The following CLSPN variants were observed in gnomAD, a reference collection of about 807,000 sequenced individuals.
CLSPN encodes the protein claspin homolog.
In CLSPN, 85 loss-of-function variants were observed where a neutral mutation model predicts 156.3. The observed-to-expected ratio is 0.54, with a 90% CI of 0.46 to 0.65. The LOEUF is 0.65. Among genes scored for constraint, CLSPN ranks in the 30% least tolerant of loss-of-function variants. CLSPN has a pLI of 0.00. For missense variants in CLSPN, 1,407 were observed against 1,554.9 expected, an observed-to-expected ratio of 0.90 and a Z score of 1.60; for synonymous variants, 534 against 542.4, an observed-to-expected ratio of 0.98 and a Z score of 0.22.
rs1219061789 is a variant in CLSPN at position 35,739,352 on chromosome 1, T to C, written c.3308+13A>G. 14 of 1,613,852 alleles carry C rather than the reference T, an allele frequency of 8.7e-6. No homozygotes were observed. In the Admixed American group the frequency reaches 1.2e-4, roughly 13 times the overall value. On this transcript the variant is annotated intron_variant, in intron 19 of 24. Transcript: ENST00000318121. Reference sequence around the variant, plus strand: ...GTACCCTATTACTCAGAAGGGCTTATTGGGATACTGACATGTGTATTTTCT... The same window carrying C: ...GTACCCTATTACTCAGAAGGGCTTACTGGGATACTGACATGTGTATTTTCT...
Position 35,736,484 on chromosome 1 carries a change from C to T in CLSPN, c.*12G>A, listed in dbSNP as rs1288807994. On this transcript the variant is annotated 3_prime_UTR_variant, in exon 25 of 25. Transcript: ENST00000318121. ...AGCAGTCTCAATGTAGATTTTGGCA[C>T]CTTTGATGGTGTTAGCTCTCCAAAT... is the stretch of plus-strand genomic sequence containing the variant. 1 of 1,576,924 alleles carries T rather than the reference C, an allele frequency of 6.3e-7. No individual in the cohort carries two copies. The highest frequency in any genetic ancestry group is 8.6e-7 in the Non-Finnish European group (1 of 1,164,356).
intron 15 of CLSPN, 105 bp from the exon 16 acceptor site, chr1:35,745,667 T>C (rs566080996): frequency 1.3e-6 from 1 of 771,612 alleles, no homozygotes; most frequent in South Asian, 1.6e-5. Context: ...TAAGGTAAGC[T>C]TGCCAAGAAG....
intron 8 of CLSPN, among the ~76,000 whole-genome samples, chr1:35,757,114 C>T (rs965757910): frequency 8.5e-5 from 13 of 152,190 alleles, no homozygotes; most frequent in African/African-American, 3.1e-4. Context: ...GGTATCTCTA[C>T]TGAGCTCATT....
At chr1:35,743,634 T>G in intron 16 of CLSPN, 104 bp from the exon 17 acceptor site, 1 of 841,456 alleles carries the variant, frequency 1.2e-6, no homozygotes, top group Non-Finnish European at 1.9e-6. Context: ...TTAATTTTTT[T>G]TTTTTCTCTG....
rs1642590897 is a variant in CLSPN, at chr1:35,764,297, C to G, written c.551G>C (p.Arg184Thr). Residue 184 changes from arginine (R) to threonine (T), a missense_variant, in exon 3 of 25, where the codon AGA becomes ACA. Coordinates refer to ENST00000318121, the MANE Select transcript of CLSPN (RefSeq NM_022111.4). ...TTTTGTTTCCTTCTTTTTTAGCTGT[C>G]TAATTTTTTCCATTTTTCTCTCCTC... ...EKEERKMEKI[R>T]QLKKKETKNQ... 3 of 1,579,314 alleles carry G rather than the reference C, an allele frequency of 1.9e-6. No homozygotes were observed. Among genetic ancestry groups the G allele is most frequent in the Non-Finnish European group, 2.6e-6 (3 of 1,170,172 alleles).
At chr1:35,765,982 C>CTG (rs1277028599) in intron 1 of CLSPN, among the ~76,000 whole-genome samples, 2 of 8,742 alleles carry the variant, frequency 2.3e-4, no homozygotes, top group Admixed American at 2.4e-3. Flanking sequence ...TGGTTTCTTT[C>CTG]TCTCTCTCTC....
In CLSPN at chr1:35,751,280, T is replaced by C. The variant is rs1642075010; in HGVS notation, c.1998A>G (p.Glu666=). ...EEELEEEEEK[E]EEEEEEGNQE... ...GATTTCCTTCTTCTTCCTCCTCCTC[T>C]TCTTTCTCCTCCTCTTCCTCTAGTT... Residue 666 remains glutamate, a synonymous_variant, in exon 10 of 25, where the codon GAA becomes GAG. Coordinates refer to ENST00000318121, the MANE Select transcript of CLSPN (RefSeq NM_022111.4). 6.3e-7 allele frequency: 1 copy of C among 1,594,668 alleles called. No individual in the cohort carries two copies.
At chr1:35,766,742 C>T (rs1262034816) in intron 1 of CLSPN, among the ~76,000 whole-genome samples, 1 of 151,892 alleles carries the variant, frequency 6.6e-6, no homozygotes, top group East Asian at 1.9e-4. Context: ...CCACGCCCGG[C>T]TATATGTATA....
At chr1:35,760,175 C>T (rs1395608559) in intron 8 of CLSPN, among the ~76,000 whole-genome samples, 167 bp downstream of exon 8, 1 of 152,156 alleles carries the variant, frequency 6.6e-6, no homozygotes, top group East Asian at 1.9e-4. Flanking sequence ...TTCTGATACC[C>T]TGCCAAATTT....
At position 35,735,334 on chromosome 1, in the gene CLSPN, G is replaced by A. The variant is rs911939609; in HGVS notation, c.*1162C>T. 41 of 985,274 alleles carry A rather than the reference G, an allele frequency of 4.2e-5. No individual in the cohort carries two copies. The highest frequency in any genetic ancestry group is 4.5e-5 in the Non-Finnish European group (37 of 829,932). The allele number at this position is 985,274 out of a possible 1,614,324, so 61.0% of individuals were successfully genotyped here. Reference sequence around the variant, plus strand: ...TAATTCAAAATTTGATGCTGCCTTGGGAAGAAGCATACAGGAAAATGAAAG... The same window carrying A: ...TAATTCAAAATTTGATGCTGCCTTGAGAAGAAGCATACAGGAAAATGAAAG... On this transcript the variant is annotated 3_prime_UTR_variant, in exon 25 of 25. Coordinates refer to ENST00000318121, the MANE Select transcript of CLSPN (RefSeq NM_022111.4).
chr1:35,739,898 T>G (rs1026105590), intron 18 of CLSPN, among the ~76,000 whole-genome samples: 1 of 152,224 alleles, frequency 6.6e-6, no homozygotes, highest in Admixed American at 6.5e-5. Context: ...TAACTGTGCT[T>G]TACAGGCATT....
At position 35,733,994 on chromosome 1, in the gene CLSPN, T is replaced by G. The variant is rs1477307439; in HGVS notation, c.*2502A>C. 1 of 985,162 alleles carries G rather than the reference T, an allele frequency of 1.0e-6. No homozygotes were observed. The highest frequency in any genetic ancestry group is 1.2e-6 in the Non-Finnish European group (1 of 829,792). 61.0% of individuals were successfully genotyped at this position (985,162 alleles called of 1,614,324 possible). On this transcript the variant is annotated 3_prime_UTR_variant, in exon 25 of 25. Coordinates refer to ENST00000318121, the MANE Select transcript of CLSPN (RefSeq NM_022111.4). ...GACTGTCTCTAAAAAATAAGTTTTTTAAACAAAGAGCTATAATAGAAGGTA... is the reference window on the plus strand; with the variant it reads ...GACTGTCTCTAAAAAATAAGTTTTTGAAACAAAGAGCTATAATAGAAGGTA...
chr1:35,724,940 T>C (rs2148606199), intron 24 of CLSPN, among the ~76,000 whole-genome samples: 1 of 152,338 alleles, frequency 6.6e-6, no homozygotes, highest in East Asian at 1.9e-4. Flanking sequence ...AGGTAAAATA[T>C]GCCCATTCCC....
rs1031607491 is a variant in CLSPN, at chr1:35,733,418, G to C, written c.*3078C>G. 19 of 966,338 alleles carry C rather than the reference G, an allele frequency of 2.0e-5. No homozygotes were observed. Among genetic ancestry groups the C allele is most frequent in the Non-Finnish European group, 2.2e-5 (18 of 816,810 alleles). The allele number at this position is 966,338 out of a possible 1,614,324, so 59.9% of individuals were successfully genotyped here. A position where few individuals can be genotyped will look rare whatever the true frequency, so the allele number is the denominator to read the frequency against. On this transcript the variant is annotated 3_prime_UTR_variant, in exon 25 of 25. Coordinates refer to ENST00000318121, the MANE Select transcript of CLSPN (RefSeq NM_022111.4). ...AATGCACCCACCTCAGTCTCCTAAA[G>C]TGCTGGCGTGAGCCACCGGACCTGG...
chr1:35,728,077 C>CTTTTT (rs59275877), downstream of CLSPN, among the ~76,000 whole-genome samples: 18 of 103,978 alleles, frequency 1.7e-4, no homozygotes, highest in Admixed American at 2.4e-4. Flanking sequence ...AAACCACAAG[C>CTTTTT]TTTTTTTTTT....
In CLSPN at chr1:35,735,848, C is replaced by T; in HGVS notation, c.*648G>A. 1.0e-6 allele frequency: 1 copy of T among 985,294 alleles called. No individual in the cohort carries two copies. The highest frequency in any genetic ancestry group is 1.1e-4 in the East Asian group (1 of 8,810). The allele number at this position is 985,294 out of a possible 1,614,324, so 61.0% of individuals were successfully genotyped here. On this transcript the variant is annotated 3_prime_UTR_variant, in exon 25 of 25. Coordinates refer to ENST00000318121, the MANE Select transcript of CLSPN (RefSeq NM_022111.4). ...TTTTCCCTACTCTTCCTCTTCCAAC[C>T]ACTTCTATCAATCACAAAGAGATAT...
Position 35,738,512 on chromosome 1 carries a change from CTCA to C in CLSPN, c.3498_3500del (p.Asp1166del), listed in dbSNP as rs774728186. 2.2e-5 allele frequency: 36 copies of C among 1,613,992 alleles called. No individual in the cohort carries two copies. Among genetic ancestry groups the C allele is most frequent in the Non-Finnish European group, 3.0e-5 (35 of 1,179,926 alleles). On this transcript the variant is annotated inframe_deletion, in exon 21 of 25. Coordinates refer to ENST00000318121, the MANE Select transcript of CLSPN (RefSeq NM_022111.4). ...GCTCCTTCCTCCACCTGGCTTCTGA[CTCA>C]TCAAGCTGTTCTTCAGTCTGATCAT... is the stretch of plus-strand genomic sequence containing the variant.
Position 35,751,319 on chromosome 1 carries a change from T to C in CLSPN, c.1959A>G (p.Glu653=), listed in dbSNP as rs758459368. ...EEDGEEKVEK[E]EKEEELEEEE... Reference sequence around the variant, plus strand: ...CTTCCTCTAGTTCTTCCTCTTTCTCTTCTTTCTCTACCTTCTCTTCTCCAT... The same window carrying C: ...CTTCCTCTAGTTCTTCCTCTTTCTCCTCTTTCTCTACCTTCTCTTCTCCAT... The change falls in exon 10 of 25, where the codon GAA becomes GAG. Residue 653 remains glutamate (E), a synonymous_variant. Coordinates refer to ENST00000318121, the MANE Select transcript of CLSPN (RefSeq NM_022111.4). 3.8e-6 allele frequency: 6 copies of C among 1,590,974 alleles called. No homozygotes were observed. Among genetic ancestry groups the C allele is most frequent in the Non-Finnish European group, 5.1e-6 (6 of 1,166,690 alleles).
chr1:35,734,160 C>G lies in CLSPN; in HGVS notation c.*2336G>C, dbSNP rs1641387587. ...TTCTCAGTTTAGACCCAGAGGGTTT[C>G]CCTGGGATGGAGATAACCTGAAAAT... On this transcript the variant is annotated 3_prime_UTR_variant, in exon 25 of 25. Coordinates refer to ENST00000318121, the MANE Select transcript of CLSPN (RefSeq NM_022111.4). The G allele has an allele frequency of 3.0e-6, 3 of 985,200 alleles. No homozygotes were observed. The highest frequency in any genetic ancestry group is 3.6e-6 in the Non-Finnish European group (3 of 829,908). 61.0% of individuals were successfully genotyped at this position (985,200 alleles called of 1,614,324 possible).
Sources: gnomAD v4.1 joint callset for allele counts (sites outside exome capture counted in the v4.1 genomes callset) on GRCh38, gnomAD v4.1.1 for gene constraint, MANE v1.5 for transcripts, NCBI Gene and HGNC (gene_info 2026-07-23, HGNC 2026-07-21) for gene names.